The following DDX10 variants were observed in gnomAD, a reference collection of about 807,000 sequenced individuals.
DDX10 encodes the protein probable ATP-dependent RNA helicase DDX10.
Under a neutral mutation model 104.3 loss-of-function variants are expected in DDX10, and 74 were observed. That is an observed-to-expected ratio of 0.71 (90% CI 0.59 to 0.86). The LOEUF (loss-of-function observed/expected upper bound fraction) is 0.86, where lower values mean the gene tolerates loss of function less well. Ranked by LOEUF, DDX10 falls within the 40% of genes least tolerant of loss-of-function variation. DDX10 has a pLI of 0.00. For missense variants in DDX10, 952 were observed against 1,040.0 expected (o/e 0.92, Z 1.16); for synonymous variants, 351 against 353.4 (o/e 0.99, Z 0.08).
At chr11:108,924,676 C>T (rs1335584727) in intron 17 of DDX10, among the ~76,000 whole-genome samples, 1 of 152,118 alleles carries the variant, frequency 6.6e-6, no homozygotes, top group Non-Finnish European at 1.5e-5. Context: ...TGTAGTTTCT[C>T]CTAGTATTGA....
intron 13 of DDX10, among the ~76,000 whole-genome samples, chr11:108,738,236 T>C (rs2094320691): frequency 8.3e-6 from 1 of 119,988 alleles, no homozygotes; most frequent in Non-Finnish European, 1.7e-5. Flanking sequence ...CCTACTCAAA[T>C]CTTCTGAGAC....
At chr11:108,750,785 G>A (rs192299372) in intron 13 of DDX10, among the ~76,000 whole-genome samples, 11 of 149,976 alleles carry the variant, frequency 7.3e-5, no homozygotes, top group African/African-American at 2.7e-4. Flanking sequence ...TTTGAGACAG[G>A]GTCTCACTGT....
rs1490684617 is a variant in DDX10 at position 108,747,629 on chromosome 11, T to C, written c.1965+24167T>C. ...ACTTGTTTACTTACCTGTATACTGC[T>C]GATTTCTCTGGCCTAATCCCCATTG... On this transcript the variant is annotated intron_variant, in intron 13 of 17. Transcript: ENST00000322536. Among the ~76,000 whole-genome samples the C allele has an allele frequency of 2.0e-5, 3 of 152,166 alleles. No individual in the cohort carries two copies. In the South Asian group the frequency reaches 6.2e-4, roughly 32 times the overall value.
chr11:108,903,731 A>G (rs969609863), intron 16 of DDX10, among the ~76,000 whole-genome samples: 1 of 152,184 alleles, frequency 6.6e-6, no homozygotes, highest in Admixed American at 6.5e-5. Context: ...AGGGATGACC[A>G]TAAAGGGTTC....
chr11:108,829,602 A>G (rs1159246674), intron 13 of DDX10, among the ~76,000 whole-genome samples: 1 of 152,118 alleles, frequency 6.6e-6, no homozygotes, highest in African/African-American at 2.4e-5. Flanking sequence ...ATTAAGTCCC[A>G]TCTATTTATC....
rs2094300948 is a variant in DDX10 at position 108,723,267 on chromosome 11, A to G, written c.1770A>G (p.Glu590=). ...EEQEEEEDDE[E]EMEEKLAKAK... ...AGGAAGAAGAAGAAGACGATGAAGA[A>G]GAAATGGAAGAGAAACTGGCAAAAG... Residue 590 remains glutamate, a synonymous_variant, in exon 13 of 18, where the codon GAA becomes GAG. Coordinates refer to ENST00000322536, the MANE Select transcript of DDX10 (RefSeq NM_004398.4). The G allele has an allele frequency of 6.2e-7, 1 of 1,613,504 alleles. No individual in the cohort carries two copies.
At chr11:108,782,449 G>A (rs1257527355) in intron 13 of DDX10, among the ~76,000 whole-genome samples, 6 of 151,814 alleles carry the variant, frequency 4.0e-5, no homozygotes, top group Admixed American at 6.6e-5. Flanking sequence ...TCATTTCTCC[G>A]AGATCCCTTT....
chr11:108,717,145 T>C (rs1353631230), intron 11 of DDX10, among the ~76,000 whole-genome samples: 1 of 152,166 alleles, frequency 6.6e-6, no homozygotes, highest in Non-Finnish European at 1.5e-5. Flanking sequence ...ATTCAGAGGT[T>C]GGATTCTATT....
At chr11:108,667,094 A>G (rs967798163) in intron 1 of DDX10, among the ~76,000 whole-genome samples, 2 of 152,238 alleles carry the variant, frequency 1.3e-5, no homozygotes, top group Non-Finnish European at 2.9e-5. Flanking sequence ...CTGGATTACT[A>G]TAGTAAATAT....
intron 17 of DDX10, 152 bp downstream of exon 17, chr11:108,918,170 TG>T (rs1205989569): frequency 5.3e-6 from 4 of 756,876 alleles, no homozygotes; most frequent in African/African-American, 5.3e-5. Context: ...ATCCTGCTGC[TG>T]TTTTTTTACT....
At chr11:108,918,128 T>C in intron 17 of DDX10, 110 bp downstream of exon 17, 1 of 1,091,018 alleles carries the variant, frequency 9.2e-7, no homozygotes, top group Non-Finnish European at 1.4e-6. Flanking sequence ...GTTTGTTGCT[T>C]TTTTTTGATA....
intron 9 of DDX10, among the ~76,000 whole-genome samples, chr11:108,700,308 T>C (rs1259039583): frequency 6.6e-6 from 1 of 152,216 alleles, no homozygotes; most frequent in Non-Finnish European, 1.5e-5. Flanking sequence ...GGTTCTCATA[T>C]TAGGAAACTC....
At chr11:108,694,243 G>A (rs937830892) in intron 9 of DDX10, among the ~76,000 whole-genome samples, 3 of 152,172 alleles carry the variant, frequency 2.0e-5, no homozygotes, top group African/African-American at 7.2e-5. Context: ...CGAAACCACA[G>A]ATAGAGGGGG....
chr11:108,731,055 C>CT (rs200365845), intron 13 of DDX10, among the ~76,000 whole-genome samples: 19,012 of 142,610 alleles, frequency 0.13, 1,520 homozygotes, highest in East Asian at 0.27. Context: ...ATTGCCGTTT[C>CT]TTTTTTTTTT....
In DDX10 at chr11:108,723,419, A is replaced by G. The variant is rs1418785903; in HGVS notation, c.1922A>G (p.His641Arg). ...EDADFLKVKRHNVFGLDLKDE... is the reference protein window; with the variant it reads ...EDADFLKVKRRNVFGLDLKDE... ...GCTGATTTCTTGAAGGTGAAGCGGCATAATGTGTTTGGATTGGACCTTAAA... is the reference window on the plus strand; with the variant it reads ...GCTGATTTCTTGAAGGTGAAGCGGCGTAATGTGTTTGGATTGGACCTTAAA... The change falls in exon 13 of 18, where the codon CAT becomes CGT. Residue 641 changes from histidine (H) to arginine (R), a missense_variant. Physicochemically the swap from His to Arg is conservative, Grantham distance 29 (BLOSUM62 0). Around this residue, in one of 3 missense-constraint regions of DDX10, gnomAD observed 533 missense variants for 534.1 expected, o/e 1.00. Coordinates refer to ENST00000322536, the MANE Select transcript of DDX10 (RefSeq NM_004398.4). 6.2e-7 allele frequency: 1 copy of G among 1,613,642 alleles called. No homozygotes were observed. The highest frequency in any genetic ancestry group is 1.3e-5 in the African/African-American group (1 of 74,924).
At chr11:108,805,114 T>C (rs1270014558) in intron 13 of DDX10, among the ~76,000 whole-genome samples, 1 of 152,214 alleles carries the variant, frequency 6.6e-6, no homozygotes, top group African/African-American at 2.4e-5. Flanking sequence ...GGATGGTAAA[T>C]AAACCTCAAG....
intron 16 of DDX10, among the ~76,000 whole-genome samples, chr11:108,899,488 C>T (rs1458718276): frequency 6.8e-6 from 1 of 147,560 alleles, no homozygotes; most frequent in African/African-American, 2.6e-5. Context: ...AAAGCATGCA[C>T]AGCTACCTTT....
At chr11:108,910,725 ATGCGTGTGTGTGTGTG>A (rs1419279663) in intron 16 of DDX10, among the ~76,000 whole-genome samples, 4 of 103,790 alleles carry the variant, frequency 3.9e-5, no homozygotes, top group Non-Finnish European at 2.1e-5. Context: ...AGGAGCGTGC[ATGCGTGTGTGTGTGTG>A]TGTGTGTGTG....
At chr11:108,896,205 T>G (rs1863438681) in intron 16 of DDX10, among the ~76,000 whole-genome samples, 1 of 152,174 alleles carries the variant, frequency 6.6e-6, no homozygotes, top group African/African-American at 2.4e-5. Context: ...GTTATTTATA[T>G]ATTCTAAAGA....
Sources: gnomAD v4.1 joint callset for allele counts (sites outside exome capture counted in the v4.1 genomes callset) on GRCh38, gnomAD v4.1.1 for gene constraint, gnomAD v4.1.1 regional missense constraint, MANE v1.5 for transcripts, NCBI Gene and HGNC (gene_info 2026-07-23, HGNC 2026-07-21) for gene names.